Variants in SLC17A6 observed in about 807,000 individuals in gnomAD.
The protein encoded by SLC17A6 is solute carrier family 17 member 6.
SLC17A6 carries 35 observed loss-of-function variants against 67.1 expected under a neutral mutation model. The ratio of observed to expected loss-of-function variants is 0.52; its 90% CI spans 0.40 to 0.69. SLC17A6 has a LOEUF of 0.69. Among genes scored for constraint, SLC17A6 ranks in the 30% least tolerant of loss-of-function variants. The pLI, the probability that SLC17A6 is intolerant of heterozygous loss-of-function variation, is 0.00. For synonymous variants in SLC17A6, 285 were observed against 252.3 expected, an observed-to-expected ratio of 1.13 and a Z score of -1.23; for missense variants, 588 against 723.9, an observed-to-expected ratio of 0.81 and a Z score of 2.15.
chr11:22,348,569 G>C (rs1219292318), intron 3 of SLC17A6, among the ~76,000 whole-genome samples: 1 of 152,188 alleles, frequency 6.6e-6, no homozygotes, highest in Admixed American at 6.5e-5. Context: ...CACCTTGTCA[G>C]TTTGGGCTCT....
At chr11:22,353,541 A>T (rs1855964950) in intron 3 of SLC17A6, among the ~76,000 whole-genome samples, 1 of 152,202 alleles carries the variant, frequency 6.6e-6, no homozygotes, top group Non-Finnish European at 1.5e-5. Context: ...AAAAAAAGAA[A>T]CTTGTCTTTT....
intron 8 of SLC17A6, among the ~76,000 whole-genome samples, chr11:22,374,523 T>C (rs1033467348): frequency 9.0e-5 from 8 of 88,910 alleles, no homozygotes; most frequent in Non-Finnish European, 1.7e-4. Flanking sequence ...ATGCATTACG[T>C]GGCAAAAAAA....
chr11:22,362,896 T>A, intron 6 of SLC17A6, 71 bp downstream of exon 6: 1 of 1,105,268 alleles, frequency 9.0e-7, no homozygotes, highest in Admixed American at 1.7e-5. Context: ...TTGCAGACAA[T>A]GAGATCAATC....
intron 3 of SLC17A6, among the ~76,000 whole-genome samples, chr11:22,353,198 T>G (rs763231690): frequency 6.6e-6 from 1 of 152,202 alleles, no homozygotes; most frequent in Non-Finnish European, 1.5e-5. Flanking sequence ...ATTGATTTAT[T>G]TAGTCTTCAT....
chr11:22,368,192 A>T (rs1321759364), intron 7 of SLC17A6, among the ~76,000 whole-genome samples: 3 of 152,072 alleles, frequency 2.0e-5, no homozygotes, highest in Admixed American at 2.0e-4. Context: ...ATTAAAAACA[A>T]TTCTGTATCA....
At chr11:22,368,341 T>C (rs1856136415) in intron 7 of SLC17A6, among the ~76,000 whole-genome samples, 1 of 152,052 alleles carries the variant, frequency 6.6e-6, no homozygotes, top group South Asian at 2.1e-4. Context: ...TATTGCAAAG[T>C]CTTTTAAATC....
At chr11:22,343,009 A>T in intron 2 of SLC17A6, 1 of 592,298 alleles carries the variant, frequency 1.7e-6, no homozygotes, top group Non-Finnish European at 3.1e-6. Flanking sequence ...GACAGTAGTC[A>T]GGGAGCAAAG....
At chr11:22,374,943 A>C in intron 9 of SLC17A6, 56 bp downstream of exon 9, 3 of 1,474,298 alleles carry the variant, frequency 2.0e-6, no homozygotes, top group African/African-American at 1.4e-5. Context: ...TTTAACCTAC[A>C]TGAGAGAATA....
At chr11:22,370,454 C>T (rs1315148019) in intron 8 of SLC17A6, among the ~76,000 whole-genome samples, 1 of 152,042 alleles carries the variant, frequency 6.6e-6, no homozygotes, top group Non-Finnish European at 1.5e-5. Context: ...CCAGTTGGAG[C>T]GAGCAGCGGT....
chr11:22,362,824 C>A lies in SLC17A6; in HGVS notation c.747C>A (p.Tyr249Ter), dbSNP rs753049319. The change falls in exon 6 of 12, where the codon TAC (tyrosine) becomes TAA (stop). Residue 249 changes from tyrosine to a stop codon, truncating the protein, a stop_gained and splice_region_variant. Transcript: ENST00000263160. LOFTEE classifies it high-confidence loss of function. ...YTGWSSVFYV[Y>*]GSFGMVWYMF... is the part of the protein sequence containing the mutation. ...GCTGGTCTTCAGTGTTTTATGTCTA[C>A]GGTATGTTATATTTCTATGCAATAG... The A allele has an allele frequency of 6.2e-7, 1 of 1,611,914 alleles. No individual in the cohort carries two copies. Among genetic ancestry groups the A allele is most frequent in the African/African-American group, 1.3e-5 (1 of 74,828 alleles).
intron 3 of SLC17A6, 59 bp from the exon 4 acceptor site, chr11:22,359,354 G>C (rs1856024568): frequency 1.0e-6 from 1 of 981,396 alleles, no homozygotes; most frequent in Admixed American, 3.0e-5. Flanking sequence ...GAGAAATTTA[G>C]ATATGTATAT....
At position 22,377,847 on chromosome 11, in the gene SLC17A6, C is replaced by A; in HGVS notation, c.*107C>A. ...TAAACTTGCAAGCATATCAACCAGG[C>A]AAGTCTTGCTGTAAAAATGAAAACA... On this transcript the variant is annotated 3_prime_UTR_variant, in exon 12 of 12. Transcript: ENST00000263160. 1.1e-6 allele frequency: 1 copy of A among 901,204 alleles called. No individual in the cohort carries two copies. Among genetic ancestry groups the A allele is most frequent in the Middle Eastern group, 3.3e-4 (1 of 2,988 alleles). 55.8% of individuals were successfully genotyped at this position (901,204 alleles called of 1,614,324 possible).
chr11:22,347,922 G>C (rs952796271), intron 3 of SLC17A6, among the ~76,000 whole-genome samples: 17 of 152,002 alleles, frequency 1.1e-4, no homozygotes, highest in Non-Finnish European at 1.9e-4. Flanking sequence ...AGTATTTCTT[G>C]AATTTCTAAC....
intron 3 of SLC17A6, among the ~76,000 whole-genome samples, chr11:22,358,754 A>G (rs988717806): frequency 2.9e-4 from 44 of 152,050 alleles, no homozygotes; most frequent in African/African-American, 9.9e-4. Context: ...GCTGCTCGAG[A>G]TGTGTCTCAA....
intron 4 of SLC17A6, 137 bp from the exon 5 acceptor site, chr11:22,360,760 C>A: frequency 9.2e-6 from 6 of 651,484 alleles, no homozygotes; most frequent in Non-Finnish European, 1.5e-5. Context: ...AATATACAGT[C>A]TTTTCTTTTA....
In SLC17A6 at chr11:22,377,409, G is replaced by A. The variant is rs201505269; in HGVS notation, c.1418G>A (p.Arg473His). ...TGCTGCTTTTTCTCACTGCAGTCAC[G>A]TGAAGAGTGGCAGTATGTCTTCCTG... ...IVGAMTKNKSREEWQYVFLIA... is the reference protein window; with the variant it reads ...IVGAMTKNKSHEEWQYVFLIA... The change falls in exon 12 of 12, where the codon CGT becomes CAT. Residue 473 changes from arginine to histidine, a missense_variant. Physicochemically the swap from Arg to His is conservative, Grantham distance 29. Transcript: ENST00000263160. 73 of 1,605,546 alleles carry A rather than the reference G, an allele frequency of 4.5e-5. No homozygotes were observed. Among genetic ancestry groups the A allele is most frequent in the Non-Finnish European group, 5.5e-5 (64 of 1,174,108 alleles).
At chr11:22,339,831 T>G (rs894419389) in intron 1 of SLC17A6, among the ~76,000 whole-genome samples, 1 of 152,106 alleles carries the variant, frequency 6.6e-6, no homozygotes, top group Non-Finnish European at 1.5e-5. Context: ...GAAAGGGATG[T>G]TCTTTCCCAG....
At chr11:22,341,806 T>G in intron 2 of SLC17A6, 26 bp downstream of exon 2, 1 of 1,610,844 alleles carries the variant, frequency 6.2e-7, no homozygotes, top group Non-Finnish European at 8.5e-7. Context: ...CCGCCCTGGC[T>G]CCTGCCCTTC....
chr11:22,339,701 G>T (rs535909011), intron 1 of SLC17A6, among the ~76,000 whole-genome samples: 5 of 152,238 alleles, frequency 3.3e-5, no homozygotes, highest in Admixed American at 1.3e-4. Flanking sequence ...TAAAGAAAAT[G>T]ATCAAACCAC....
Sources: gnomAD v4.1 joint callset for allele counts (sites outside exome capture counted in the v4.1 genomes callset) on GRCh38, gnomAD v4.1.1 for gene constraint, MANE v1.5 for transcripts, NCBI Gene and HGNC (gene_info 2026-07-23, HGNC 2026-07-21) for gene names.